Variants in PLA2G4A observed in about 807,000 individuals in gnomAD.
PLA2G4A encodes the protein phospholipase A2 group IVA.
In PLA2G4A, 40 loss-of-function variants were observed where a neutral mutation model predicts 81.9. The ratio of observed to expected loss-of-function variants is 0.49; its 90% CI spans 0.38 to 0.64. The LOEUF (loss-of-function observed/expected upper bound fraction) is 0.64. Ranked by LOEUF, PLA2G4A falls within the 30% of genes least tolerant of loss-of-function variation. The pLI, the probability that PLA2G4A is intolerant of heterozygous loss-of-function variation, is 0.00. For missense variants in PLA2G4A, 715 were observed against 905.1 expected, an observed-to-expected ratio of 0.79 and a Z score of 2.69; for synonymous variants, 302 against 296.9, an observed-to-expected ratio of 1.02 and a Z score of -0.18.
chr1:186,905,844 A>G (rs1469337044), intron 5 of PLA2G4A, among the ~76,000 whole-genome samples: 2 of 152,220 alleles, frequency 1.3e-5, no homozygotes. Context: ...AAATTTTTGT[A>G]TAGATGTTTT....
chr1:186,894,075 G>C (rs1654247556), intron 4 of PLA2G4A, 23 bp from the exon 5 acceptor site: 1 of 900,210 alleles, frequency 1.1e-6, no homozygotes, highest in African/African-American at 1.6e-5. Context: ...TTTTATTTTT[G>C]TGCTTTACAT....
intron 6 of PLA2G4A, among the ~76,000 whole-genome samples, chr1:186,909,686 A>T (rs1654874119): frequency 6.7e-6 from 1 of 149,582 alleles, no homozygotes; most frequent in Admixed American, 6.7e-5. Flanking sequence ...AAAAAAGTTA[A>T]CTCACTGTCT....
intron 1 of PLA2G4A, among the ~76,000 whole-genome samples, chr1:186,835,568 C>T (rs1651748582): frequency 6.6e-6 from 1 of 152,138 alleles, no homozygotes; most frequent in African/African-American, 2.4e-5. Flanking sequence ...GTTGTGTCTA[C>T]CACAAACCTC....
chr1:186,905,348 G>A (rs966169128), intron 5 of PLA2G4A, among the ~76,000 whole-genome samples: 2 of 151,698 alleles, frequency 1.3e-5, no homozygotes, highest in East Asian at 1.9e-4. Context: ...ACACTCTGGT[G>A]ATAAAAACAT....
At chr1:186,979,188 C>T in intron 16 of PLA2G4A, 127 bp from the exon 17 acceptor site, 1 of 727,238 alleles carries the variant, frequency 1.4e-6, no homozygotes, top group Non-Finnish European at 2.5e-6. Flanking sequence ...GTCAGAGATG[C>T]TACAGAGTAC....
chr1:186,972,749 AAAG>A (rs1263247639), intron 15 of PLA2G4A, among the ~76,000 whole-genome samples: 16 of 152,132 alleles, frequency 1.1e-4, no homozygotes, highest in African/African-American at 3.6e-4. Context: ...GAGAAGGAAG[AAAG>A]AAGAAAGGAA....
chr1:186,910,298 G>A lies in PLA2G4A; in HGVS notation c.417-950G>A, dbSNP rs537416341. Among the ~76,000 whole-genome samples the A allele has an allele frequency of 7.9e-5, 12 of 152,192 alleles. No homozygotes were observed. The South Asian group carries it at 2.5e-3, about 32-fold the overall frequency. ...ATTAAGGTAAGGATTTTTATGAATG[G>A]TAAAGAGACAAATATTTTATTGGTG... On this transcript the variant is annotated intron_variant, in intron 6 of 17. Transcript: ENST00000367466.
intron 2 of PLA2G4A, among the ~76,000 whole-genome samples, chr1:186,861,499 A>T (rs995820411): frequency 3.2e-4 from 49 of 152,146 alleles, no homozygotes; most frequent in African/African-American, 1.1e-3. Flanking sequence ...TTATTTTTAA[A>T]AAACATTGTC....
rs1651453823 is a variant in PLA2G4A at position 186,828,959 on chromosome 1, A to G, written c.-146A>G. 6.6e-6 allele frequency: 1 copy of G among 152,180 alleles called. No individual in the cohort carries two copies. 9.4% of individuals were successfully genotyped at this position (152,180 alleles called of 1,614,324 possible). A position where few individuals can be genotyped will look rare whatever the true frequency, so the allele number is the denominator to read the frequency against. On this transcript the variant is annotated 5_prime_UTR_variant, in exon 1 of 18. Transcript: ENST00000367466. Reference sequence around the variant, plus strand: ...ATTTTAGCCCCTCCTACTCAGGATAAGACTTTCTCTAAGTCCGGAGCTGAA... The same window carrying G: ...ATTTTAGCCCCTCCTACTCAGGATAGGACTTTCTCTAAGTCCGGAGCTGAA...
chr1:186,853,326 C>A (rs946165818), intron 1 of PLA2G4A, among the ~76,000 whole-genome samples: 2 of 150,856 alleles, frequency 1.3e-5, no homozygotes, highest in Admixed American at 1.3e-4. Context: ...AGTGAAAAGG[C>A]CTGGAAAGAT....
At chr1:186,908,322 T>A (rs1558425034) in intron 6 of PLA2G4A, among the ~76,000 whole-genome samples, 2 of 152,008 alleles carry the variant, frequency 1.3e-5, no homozygotes, top group African/African-American at 4.8e-5. Context: ...TGTTCAAAAA[T>A]TTTTTAAAAA....
intron 2 of PLA2G4A, among the ~76,000 whole-genome samples, chr1:186,867,855 G>A (rs1184691037): frequency 6.6e-6 from 1 of 151,882 alleles, no homozygotes; most frequent in African/African-American, 2.4e-5. Context: ...CCTTTATCAA[G>A]TTGATAAAGC....
chr1:186,900,143 G>T (rs918830982), intron 5 of PLA2G4A, among the ~76,000 whole-genome samples: 3 of 152,104 alleles, frequency 2.0e-5, no homozygotes, highest in Non-Finnish European at 2.9e-5. Context: ...ACAACCTGCT[G>T]CTTTTGACTC....
In PLA2G4A at chr1:186,870,526, C is replaced by A; in HGVS notation, c.115+10C>A. The A allele has an allele frequency of 6.3e-7, 1 of 1,576,968 alleles. No individual in the cohort carries two copies. The highest frequency in any genetic ancestry group is 8.7e-7 in the Non-Finnish European group (1 of 1,146,922). The stretch of plus-strand genomic sequence containing the variant: ...GCCTTTGGTGACATGCGTAAGTGCC[C>A]TTTTTTTCTTTGCTGTTAAACATGT... On this transcript the variant is annotated intron_variant, in intron 3 of 17. Transcript: ENST00000367466.
intron 17 of PLA2G4A, among the ~76,000 whole-genome samples, chr1:186,982,714 A>G (rs1260751001): frequency 1.3e-5 from 2 of 152,080 alleles, no homozygotes; most frequent in Non-Finnish European, 2.9e-5. Context: ...TTTCATAAAC[A>G]GATAAAATTT....
chr1:186,945,847 A>T (rs1419701646), intron 10 of PLA2G4A, among the ~76,000 whole-genome samples: 1 of 152,174 alleles, frequency 6.6e-6, no homozygotes, highest in Non-Finnish European at 1.5e-5. Flanking sequence ...TAAAGTGGCT[A>T]CTATTTATTG....
chr1:186,851,026 A>G (rs1652354655), intron 1 of PLA2G4A, among the ~76,000 whole-genome samples: 2 of 152,082 alleles, frequency 1.3e-5, no homozygotes, highest in Non-Finnish European at 2.9e-5. Flanking sequence ...TTGAATATTT[A>G]TTATGGGCTA....
chr1:186,911,512 A>G, intron 7 of PLA2G4A, 123 bp downstream of exon 7: 1 of 764,152 alleles, frequency 1.3e-6, no homozygotes, highest in South Asian at 1.5e-5. Flanking sequence ...TAGTTTTTTA[A>G]GGTAAGGTAA....
At chr1:186,867,429 A>G (rs567345333) in intron 2 of PLA2G4A, among the ~76,000 whole-genome samples, 17 of 152,184 alleles carry the variant, frequency 1.1e-4, no homozygotes, top group Middle Eastern at 3.4e-3. Context: ...ACATTGTTAG[A>G]TTTATAACTA....
Sources: allele counts gnomAD v4.1 joint callset (sites outside exome capture counted in the v4.1 genomes callset), GRCh38; gene constraint gnomAD v4.1.1; transcripts MANE v1.5; gene names NCBI Gene and HGNC (gene_info 2026-07-23, HGNC 2026-07-21).